The following TPST2 variants were observed in gnomAD, a reference collection of about 807,000 sequenced individuals.
TPST2 encodes the protein protein-tyrosine sulfotransferase 2.
Under a neutral mutation model 27.8 loss-of-function variants are expected in TPST2, and 16 were observed. The observed-to-expected ratio is 0.58, with a 90% CI of 0.39 to 0.88. The LOEUF (loss-of-function observed/expected upper bound fraction) is 0.88. TPST2 is among the 40% of genes least tolerant of loss of function. TPST2 has a pLI of 0.00. For missense variants in TPST2, 464 were observed against 543.1 expected (o/e 0.85, Z 1.45); for synonymous variants, 229 against 231.7 (o/e 0.99, Z 0.10).
intron 1 of TPST2, among the ~76,000 whole-genome samples, chr22:26,559,021 A>G (rs1926948193): frequency 6.6e-6 from 1 of 152,238 alleles, no homozygotes; most frequent in Non-Finnish European, 1.5e-5. Flanking sequence ...TTGTTTCATA[A>G]CAGCTTTACT....
In TPST2 at chr22:26,540,804, C is replaced by T; in HGVS notation, c.827G>A (p.Gly276Asp). 1 of 1,595,062 alleles carries T rather than the reference C, an allele frequency of 6.3e-7. No individual in the cohort carries two copies. Among genetic ancestry groups the T allele is most frequent in the South Asian group, 1.1e-5 (1 of 89,018 alleles). Residue 276 changes from glycine (G) to aspartate (D), a missense_variant, in exon 3 of 7, where the codon GGT (glycine) becomes GAT (aspartate). Coordinates refer to ENST00000338754, the MANE Select transcript of TPST2 (RefSeq NM_003595.5). ...HHEDLIGKPG[G>D]VSLSKIERST... ...CTCCACTCACTTGGACAGGGAGACA[C>T]CACCGGGCTTGCCAATGAGGTCTTC...
intron 1 of TPST2, among the ~76,000 whole-genome samples, chr22:26,582,692 A>G (rs1257298257): frequency 2.0e-5 from 3 of 152,116 alleles, no homozygotes; most frequent in Non-Finnish European, 4.4e-5. Flanking sequence ...ATTCTAGTGG[A>G]AGACGTCACT....
intron 1 of TPST2, among the ~76,000 whole-genome samples, chr22:26,554,396 G>A (rs903266559): frequency 6.6e-6 from 1 of 152,134 alleles, no homozygotes; most frequent in East Asian, 1.9e-4. Flanking sequence ...ACAGGAAAGG[G>A]CCAGCGTGAT....
chr22:26,556,005 T>G (rs5752344), intron 1 of TPST2, among the ~76,000 whole-genome samples: 32,570 of 152,136 alleles, frequency 0.21, 4,167 homozygotes, highest in Non-Finnish European at 0.29. Flanking sequence ...AACCATCTGG[T>G]GAAATCTATG....
At position 26,532,716 on chromosome 22, in the gene TPST2, G is replaced by C. The variant is rs369378701; in HGVS notation, c.1071C>G (p.Ala357=). 63 of 1,613,868 alleles carry C rather than the reference G, an allele frequency of 3.9e-5. No individual in the cohort carries two copies. The highest frequency in any genetic ancestry group is 4.9e-5 in the Non-Finnish European group (58 of 1,179,946). Residue 357 remains alanine, a synonymous_variant, in exon 5 of 7, where the codon GCC becomes GCG. Coordinates refer to ENST00000338754, the MANE Select transcript of TPST2 (RefSeq NM_003595.5). The stretch of plus-strand genomic sequence containing the variant: ...TAACCTGAAAATATCCTTTCAGATT[G>C]GCTGGTGTTTTATAGTCCCCTTTCA... ...RVLKGDYKTP[A]NLKGYFQVNQ... is the part of the protein sequence containing the mutation.
intron 1 of TPST2, chr22:26,555,074 G>A (rs1926715924): frequency 1.9e-6 from 1 of 518,702 alleles, no homozygotes; most frequent in South Asian, 1.4e-5. Flanking sequence ...GATTTCCTGG[G>A]GCCTGCCCTC....
chr22:26,535,645 G>A lies in TPST2; in HGVS notation c.1041+643C>T, dbSNP rs925959783. Among the ~76,000 whole-genome samples, 6 of 152,180 alleles carry A rather than the reference G, an allele frequency of 3.9e-5. No homozygotes were observed. In the South Asian group the frequency reaches 8.3e-4, roughly 21 times the overall value. ...ATTAAAATTAGCTGTGCATGGTGGC[G>A]TGCACCTGCAGTCCTAGCTACTCAG... On this transcript the variant is annotated intron_variant, in intron 4 of 6. Transcript: ENST00000338754.
chr22:26,559,065 T>C (rs572422427), intron 1 of TPST2, among the ~76,000 whole-genome samples: 17 of 152,380 alleles, frequency 1.1e-4, no homozygotes, highest in Non-Finnish European at 2.2e-4. Flanking sequence ...AACTCACCTA[T>C]TTAAAGTGTA....
At chr22:26,569,603 T>C (rs1927519567) in intron 1 of TPST2, among the ~76,000 whole-genome samples, 1 of 151,954 alleles carries the variant, frequency 6.6e-6, no homozygotes, top group Admixed American at 6.6e-5. Flanking sequence ...GAGCCATGGT[T>C]ACACCACTGC....
At chr22:26,539,252 A>T (rs1925658452) in intron 3 of TPST2, among the ~76,000 whole-genome samples, 1 of 152,084 alleles carries the variant, frequency 6.6e-6, no homozygotes, top group African/African-American at 2.4e-5. Context: ...CATGGGAAGG[A>T]CCACCCTTTC....
intron 1 of TPST2, among the ~76,000 whole-genome samples, chr22:26,583,208 G>T (rs1433525277): frequency 2.0e-5 from 3 of 151,808 alleles, no homozygotes; most frequent in African/African-American, 7.3e-5. Flanking sequence ...GCTGACACGG[G>T]CAGATCACTT....
intron 5 of TPST2, among the ~76,000 whole-genome samples, chr22:26,530,870 G>A (rs1321943204): frequency 2.0e-5 from 3 of 152,024 alleles, no homozygotes; most frequent in South Asian, 2.1e-4. Context: ...TTAGCCAGGC[G>A]TGGTGGCCGG....
At position 26,529,633 on chromosome 22, in the gene TPST2, G is replaced by C. The variant is rs542720675; in HGVS notation, c.1093-1371C>G. ...GGTTGGTAAACACATTGAGAGGCTG[G>C]GAGGGTGTCATGCCGGGAAAGGGCA... On this transcript the variant is annotated intron_variant, in intron 5 of 6. Coordinates refer to ENST00000338754, the MANE Select transcript of TPST2 (RefSeq NM_003595.5). Among the ~76,000 whole-genome samples the C allele has an allele frequency of 3.9e-5, 6 of 152,348 alleles. No homozygotes were observed. The South Asian group carries it at 1.2e-3, about 32-fold the overall frequency.
intron 1 of TPST2, among the ~76,000 whole-genome samples, chr22:26,545,383 A>G (rs1395832484): frequency 6.6e-6 from 1 of 152,224 alleles, no homozygotes; most frequent in Non-Finnish European, 1.5e-5. Flanking sequence ...CCATGGTTAC[A>G]GGAACGAGGC....
At chr22:26,528,167 G>A in intron 6 of TPST2, 47 bp downstream of exon 6, 1 of 1,551,780 alleles carries the variant, frequency 6.4e-7, no homozygotes, top group Non-Finnish European at 8.7e-7. Context: ...GTGGCTCCGG[G>A]GCCACCCAGA....
intron 1 of TPST2, among the ~76,000 whole-genome samples, chr22:26,582,011 C>G (rs921167794): frequency 1.3e-4 from 20 of 152,242 alleles, no homozygotes; most frequent in African/African-American, 3.9e-4. Context: ...GAGTGGTAAT[C>G]TGCCAATTTC....
chr22:26,580,927 T>C (rs1359836746), intron 1 of TPST2, among the ~76,000 whole-genome samples: 1 of 151,982 alleles, frequency 6.6e-6, no homozygotes, highest in Non-Finnish European at 1.5e-5. Context: ...TTCAAGTCCT[T>C]TGGCATCGCA....
intron 1 of TPST2, among the ~76,000 whole-genome samples, chr22:26,557,429 CT>C (rs1276392688): frequency 6.6e-6 from 1 of 152,168 alleles, no homozygotes; most frequent in African/African-American, 2.4e-5. Context: ...GAGATAGGGG[CT>C]TAATAAGGGA....
Position 26,576,843 on chromosome 22 carries a change from T to C in TPST2, c.-161+13210A>G, listed in dbSNP as rs189953019. ...CGGGCGCGGTGGCTCACACCTGTAA[T>C]CCCAGTACTTTGGGAGGCCGAGGCG... On this transcript the variant is annotated intron_variant, in intron 1 of 6. Transcript: ENST00000338754. Among the ~76,000 whole-genome samples the C allele has an allele frequency of 2.9e-4, 44 of 151,802 alleles. No homozygotes were observed. In the East Asian group the frequency reaches 8.6e-3, roughly 30 times the overall value.
Sources: gnomAD v4.1 joint callset for allele counts (sites outside exome capture counted in the v4.1 genomes callset) on GRCh38, gnomAD v4.1.1 for gene constraint, MANE v1.5 for transcripts, NCBI Gene and HGNC (gene_info 2026-07-23, HGNC 2026-07-21) for gene names.